The following DENND2B variants were observed in gnomAD, a reference collection of about 807,000 sequenced individuals.
DENND2B encodes the protein DENN domain containing 2B.
A neutral mutation model predicts 116.0 loss-of-function variants in DENND2B; 32 were observed. The observed-to-expected ratio is 0.28, with a 90% confidence interval of 0.21 to 0.37. DENND2B has a LOEUF of 0.37. Ranked by LOEUF, DENND2B falls within the 10% of genes least tolerant of loss-of-function variation. The probability of loss-of-function intolerance (pLI) is 1.00; values close to 1 mark genes in which losing one functional copy is unlikely to be tolerated. For synonymous variants in DENND2B, 588 were observed against 583.9 expected (o/e 1.01, Z -0.10); for missense variants, 1,276 against 1,477.7 (o/e 0.86, Z 2.24).
upstream of DENND2B, among the ~76,000 whole-genome samples, chr11:8,872,902 G>A (rs1242011229): frequency 1.3e-5 from 2 of 152,212 alleles, no homozygotes; most frequent in African/African-American, 4.8e-5. Context: ...ATCTAAGTGA[G>A]TTTCTACTCT....
chr11:8,779,756 C>T (rs1052659106), intron 1 of DENND2B, among the ~76,000 whole-genome samples: 3 of 152,086 alleles, frequency 2.0e-5, no homozygotes, highest in Non-Finnish European at 4.4e-5. Context: ...TCAGGTGATC[C>T]GCCCCGCCTC....
intron 1 of DENND2B, among the ~76,000 whole-genome samples, chr11:8,769,020 T>C (rs1387180438): frequency 6.6e-6 from 1 of 152,114 alleles, no homozygotes; most frequent in African/African-American, 2.4e-5. Flanking sequence ...CTCCAGAGAA[T>C]ACTGTAGTAA....
intron 1 of DENND2B, among the ~76,000 whole-genome samples, chr11:8,771,381 A>G (rs1278902224): frequency 3.9e-5 from 6 of 152,104 alleles, no homozygotes; most frequent in East Asian, 1.9e-4. Flanking sequence ...ACCAGCATGC[A>G]GGGGCTGTGA....
chr11:8,757,963 T>C (rs2053900127), intron 1 of DENND2B, among the ~76,000 whole-genome samples: 1 of 152,220 alleles, frequency 6.6e-6, no homozygotes, highest in African/African-American at 2.4e-5. Context: ...ATCACTCACC[T>C]AGTGAAGGAA....
chr11:8,746,378 C>T (rs1348078216), intron 2 of DENND2B, among the ~76,000 whole-genome samples: 1 of 152,216 alleles, frequency 6.6e-6, no homozygotes, highest in East Asian at 1.9e-4. Flanking sequence ...TGTGGGCTTA[C>T]AGGTTCCTCA....
chr11:8,884,286 A>G (rs1172313850), intron 1 of DENND2B, among the ~76,000 whole-genome samples: 1 of 152,052 alleles, frequency 6.6e-6, no homozygotes, highest in African/African-American at 2.4e-5. Flanking sequence ...TAACAGAAAA[A>G]AAAAAAAAAA....
chr11:8,730,818 G>A lies in DENND2B; in HGVS notation c.472C>T (p.Arg158Cys), dbSNP rs145810895. 22 of 1,613,030 alleles carry A rather than the reference G, an allele frequency of 1.4e-5. No homozygotes were observed. The highest frequency in any genetic ancestry group is 1.9e-5 in the Non-Finnish European group (22 of 1,179,974). ...RGVLLTRTGT[R>C]AHSLGIREKI... Reference sequence around the variant, plus strand: ...TCCCGGATGCCCAGGCTGTGGGCGCGGGTACCGGTACGGGTCAGCAAGACG... The same window carrying A: ...TCCCGGATGCCCAGGCTGTGGGCGCAGGTACCGGTACGGGTCAGCAAGACG... The change falls in exon 3 of 20, where the codon CGC becomes TGC. Residue 158 changes from arginine (R) to cysteine (C), a missense_variant. Arg to Cys is a radical substitution (Grantham distance 180). Coordinates refer to ENST00000313726, the MANE Select transcript of DENND2B (RefSeq NM_213618.2). This position sits in a 1 kb window ranked among gnomAD's most constrained non-coding sequence, Gnocchi z 4.1.
At chr11:8,755,601 A>C (rs2053473220) in intron 1 of DENND2B, among the ~76,000 whole-genome samples, 1 of 152,124 alleles carries the variant, frequency 6.6e-6, no homozygotes, top group Non-Finnish European at 1.5e-5. Context: ...GGAAAAAGGA[A>C]ACCAACTCTA....
At chr11:8,718,852 T>C (rs1197048755) in intron 4 of DENND2B, 4 of 995,496 alleles carry the variant, frequency 4.0e-6, no homozygotes, top group Non-Finnish European at 3.6e-6. Flanking sequence ...CCCCCACCCC[T>C]CCAACACACA....
intron 2 of DENND2B, among the ~76,000 whole-genome samples, chr11:8,858,022 A>G (rs1477289839): frequency 6.6e-6 from 1 of 152,252 alleles, no homozygotes; most frequent in African/African-American, 2.4e-5. Context: ...CAAATTACAC[A>G]GTGCATTCAT....
intron 14 of DENND2B, among the ~76,000 whole-genome samples, chr11:8,701,353 G>GC (rs2041604158): frequency 2.2e-5 from 2 of 89,694 alleles, no homozygotes; most frequent in Non-Finnish European, 4.2e-5. Context: ...CCGGGGGGGG[G>GC]GGGGGGAGGG....
intron 1 of DENND2B, among the ~76,000 whole-genome samples, chr11:8,905,197 A>T (rs1486441311): frequency 6.6e-6 from 1 of 152,192 alleles, no homozygotes; most frequent in African/African-American, 2.4e-5. Context: ...GGACAGACAT[A>T]TAGATCAATA....
At chr11:8,801,720 G>A (rs2060348820) in intron 1 of DENND2B, among the ~76,000 whole-genome samples, 1 of 144,014 alleles carries the variant, frequency 6.9e-6, no homozygotes, top group Non-Finnish European at 1.5e-5. Flanking sequence ...AAACACTCCT[G>A]AGGCTGGGTG....
At chr11:8,765,636 A>C (rs923494504) in intron 1 of DENND2B, among the ~76,000 whole-genome samples, 1 of 152,214 alleles carries the variant, frequency 6.6e-6, no homozygotes, top group African/African-American at 2.4e-5. Flanking sequence ...ACATCCCATT[A>C]GTAAGTGTGG....
At chr11:8,862,996 A>G (rs2063449346) in intron 2 of DENND2B, among the ~76,000 whole-genome samples, 1 of 152,046 alleles carries the variant, frequency 6.6e-6, no homozygotes, top group Non-Finnish European at 1.5e-5. Context: ...CTTTTGGCAG[A>G]GCTATTTCTA....
intron 1 of DENND2B, among the ~76,000 whole-genome samples, chr11:8,886,079 T>A (rs541756482): frequency 2.6e-5 from 4 of 152,122 alleles, no homozygotes; most frequent in Admixed American, 1.3e-4. Flanking sequence ...TAGCTAAGAC[T>A]ACAGGTCCAC....
At chr11:8,754,029 G>GCGCGCACGCACACA (rs146486674) in intron 1 of DENND2B, among the ~76,000 whole-genome samples, 1 of 138,734 alleles carries the variant, frequency 7.2e-6, no homozygotes, top group Non-Finnish European at 1.5e-5. Flanking sequence ...CCAAAAGCGC[G>GCGCGCACGCACACA]CACACACACA....
chr11:8,830,190 G>A (rs1264484562), intron 4 of DENND2B, among the ~76,000 whole-genome samples: 1 of 152,166 alleles, frequency 6.6e-6, no homozygotes, highest in East Asian at 1.9e-4. Context: ...TGTAATGGCA[G>A]GACTTCCAGA....
In DENND2B at chr11:8,712,705, G is replaced by T; in HGVS notation, c.2018C>A (p.Ser673Ter). 1 of 1,612,986 alleles carries T rather than the reference G, an allele frequency of 6.2e-7. No individual in the cohort carries two copies. The highest frequency in any genetic ancestry group is 1.1e-5 in the South Asian group (1 of 90,580). The part of the protein sequence containing the change: ...AHTQRLVHIQ[S>*]MLKRAPSYRT... Reference sequence around the variant, plus strand: ...ATAGCTGGGGGCGCGCTTCAGCATCGACTGGATGTGGACCAGGCGCTGTGT... The same window carrying T: ...ATAGCTGGGGGCGCGCTTCAGCATCTACTGGATGTGGACCAGGCGCTGTGT... The change falls in exon 9 of 20, where the codon TCG becomes TAG. Residue 673 changes from serine to a stop codon, truncating the protein, a stop_gained. Transcript: ENST00000313726. LOFTEE classifies it high-confidence loss of function. The surrounding 1 kb of genome is among the most constrained non-coding windows in gnomAD (Gnocchi z 4.4).
Sources: allele counts gnomAD v4.1 joint callset (sites outside exome capture counted in the v4.1 genomes callset), GRCh38; gene constraint gnomAD v4.1.1; non-coding constraint Gnocchi (gnomAD v3.1); transcripts MANE v1.5; gene names NCBI Gene and HGNC (gene_info 2026-07-23, HGNC 2026-07-21).